METTL22: variants seen among roughly 807,000 people sequenced by gnomAD.
METTL22 encodes methyltransferase-like protein 22.
In METTL22, 51 loss-of-function variants were observed where a neutral mutation model predicts 48.4. That is an observed-to-expected ratio of 1.05 (90% CI 0.84 to 1.33). The LOEUF is 1.33. METTL22 is among the 40% of genes most tolerant of loss of function. The probability of loss-of-function intolerance (pLI) is 0.00; values close to 1 mark genes in which losing one functional copy is unlikely to be tolerated. For synonymous variants in METTL22, 255 were observed against 214.1 expected, an observed-to-expected ratio of 1.19 and a Z score of -1.67; for missense variants, 678 against 526.9, an observed-to-expected ratio of 1.29 and a Z score of -2.81.
At chr16:8,623,866 G>A (rs1319663900) in intron 1 of METTL22, 2 of 152,160 alleles carry the variant, frequency 1.3e-5, no homozygotes, top group Non-Finnish European at 2.9e-5. Flanking sequence ...AAGAAGTGGG[G>A]GCCCTGAAGA....
At chr16:8,626,136 A>G (rs2056042333) in intron 2 of METTL22, among the ~76,000 whole-genome samples, 1 of 152,132 alleles carries the variant, frequency 6.6e-6, no homozygotes, top group Non-Finnish European at 1.5e-5. Context: ...AGCTGAGACT[A>G]CAGGCTCACA....
chr16:8,663,225 A>AAAAAAAATT, the METTL22 span, among the ~76,000 whole-genome samples: 1 of 123,468 alleles, frequency 8.1e-6, no homozygotes, highest in African/African-American at 3.1e-5. Context: ...AAAAAAAAAA[A>AAAAAAAATT]GGTAGCCAAG....
chr16:8,659,159 C>T, the METTL22 span, among the ~76,000 whole-genome samples: 3 of 152,070 alleles, frequency 2.0e-5, no homozygotes, highest in Admixed American at 1.3e-4. Context: ...GGTGAAACCC[C>T]ATCTGTACTA....
At chr16:8,651,813 A>G (rs796847354), downstream of METTL22, among the ~76,000 whole-genome samples, 4 of 152,254 alleles carry the variant, frequency 2.6e-5, no homozygotes, top group African/African-American at 9.6e-5. Context: ...GAGTTGAACA[A>G]TGAGAACACA....
chr16:8,664,114 G>C, the METTL22 span, among the ~76,000 whole-genome samples: 1 of 148,916 alleles, frequency 6.7e-6, no homozygotes, highest in Non-Finnish European at 1.5e-5. Context: ...TTTAGATGGA[G>C]TCTCGCTCTG....
intron 5 of METTL22, 32 bp downstream of exon 5, chr16:8,635,344 G>T (rs2056392144): frequency 6.6e-7 from 1 of 1,511,528 alleles, no homozygotes; most frequent in Non-Finnish European, 8.8e-7. Flanking sequence ...CTGCAGGGAA[G>T]TAGTCACCTT....
In METTL22 at chr16:8,628,883, A is replaced by G; in HGVS notation, c.287A>G (p.Glu96Gly). ...CCTCCAGGAAGTGGCCATGGTAATG[A>G]GGGTTTCTCCCTCCAGGCCGGGACT... Reference protein sequence around the residue: ...GSPPGSGHGNEGFSLQAGTDT... With the variant: ...GSPPGSGHGNGGFSLQAGTDT... Residue 96 changes from glutamate to glycine, a missense_variant, in exon 3 of 11, where the codon GAG becomes GGG. By Grantham distance (98) the Glu-to-Gly change is moderately conservative. Transcript: ENST00000381920. 1.9e-6 allele frequency: 3 copies of G among 1,613,776 alleles called. No homozygotes were observed. Among genetic ancestry groups the G allele is most frequent in the Non-Finnish European group, 1.7e-6 (2 of 1,179,948 alleles).
Position 8,644,663 on chromosome 16 carries a change from G to C in METTL22, c.1117G>C (p.Val373Leu). 6.2e-7 allele frequency: 1 copy of C among 1,606,634 alleles called. No homozygotes were observed. Among genetic ancestry groups the C allele is most frequent in the Non-Finnish European group, 8.5e-7 (1 of 1,176,766 alleles). The change falls in exon 10 of 11, where the codon GTG (valine) becomes CTG (leucine). Residue 373 changes from valine (V) to leucine (L), a missense_variant. Val to Leu is a conservative substitution (Grantham distance 32). Transcript: ENST00000381920. ...GCTCGCAGATGGCAAGCTGCGCTTC[G>C]TGGTGGAGCCCGTGGAGGCCTCCTT... ...EQLADGKLRF[V>L]VEPVEASFPQ...
chr16:8,629,880 C>G (rs997950987), intron 3 of METTL22, among the ~76,000 whole-genome samples: 2 of 152,104 alleles, frequency 1.3e-5, no homozygotes, highest in South Asian at 2.1e-4. Flanking sequence ...TCACTAGTAT[C>G]GAGTGGCCTA....
chr16:8,667,086 G>T, the METTL22 span: 26,101 of 151,790 alleles, frequency 0.17, 2,532 homozygotes, highest in Admixed American at 0.29. Flanking sequence ...CTGAGCCACC[G>T]CGCCCGGCTC....
At chr16:8,642,086 A>G (rs1428130232) in intron 7 of METTL22, 41 bp from the exon 8 acceptor site, 7 of 1,495,606 alleles carry the variant, frequency 4.7e-6, no homozygotes, top group Non-Finnish European at 6.5e-6. Flanking sequence ...TGGCCAGGAG[A>G]GAAGGCAATG....
At chr16:8,659,024 C>T in the METTL22 span, among the ~76,000 whole-genome samples, 6 of 152,140 alleles carry the variant, frequency 3.9e-5, no homozygotes, top group Non-Finnish European at 8.8e-5. Flanking sequence ...TGTCCACAGC[C>T]CATTTAAAAC....
chr16:8,660,831 GGGAGGA>G, the METTL22 span, among the ~76,000 whole-genome samples: 13 of 3,256 alleles, frequency 4.0e-3, no homozygotes, highest in African/African-American at 7.4e-3. Context: ...GAGGAGGAGG[GGGAGGA>G]GGGGGAGGAG....
the METTL22 span, among the ~76,000 whole-genome samples, chr16:8,655,734 A>T: frequency 4.6e-5 from 7 of 152,240 alleles, no homozygotes; most frequent in Non-Finnish European, 7.3e-5. Flanking sequence ...CAGCATTGTG[A>T]TGCAGAGATC....
chr16:8,665,584 G>C, the METTL22 span, among the ~76,000 whole-genome samples: 1 of 152,220 alleles, frequency 6.6e-6, no homozygotes, highest in Non-Finnish European at 1.5e-5. Flanking sequence ...TGGTTAACAA[G>C]TACCCAGCTT....
chr16:8,633,791 C>T lies in METTL22; in HGVS notation c.515-1248C>T, dbSNP rs2056339336. The stretch of plus-strand genomic sequence containing the variant: ...AAAGCATTTAGCCCAGTGCCTCATG[C>T]AGAGAAGGTGCTTTTTTTTCTATTA... On this transcript the variant is annotated intron_variant, in intron 3 of 10. Transcript: ENST00000381920. Among the ~76,000 whole-genome samples, 4 of 152,380 alleles carry T rather than the reference C, an allele frequency of 2.6e-5. No individual in the cohort carries two copies. In the South Asian group the frequency reaches 8.3e-4, roughly 32 times the overall value.
intron 5 of METTL22, among the ~76,000 whole-genome samples, chr16:8,635,771 G>A (rs1188550036): frequency 5.9e-5 from 9 of 152,110 alleles, no homozygotes; most frequent in African/African-American, 2.2e-4. Context: ...TCAACAATAT[G>A]CAACTTATGG....
At position 8,642,461 on chromosome 16, in the gene METTL22, A is replaced by G. The variant is rs2056651040; in HGVS notation, c.908-2A>G. On this transcript the variant is annotated splice_acceptor_variant, in intron 8 of 10. Transcript: ENST00000381920. LOFTEE classifies it high-confidence loss of function. ...TAATGCTGGCCTTTTTGCTTCCCAC[A>G]GTGTTTTACGACGACGACTTGACTG... The G allele has an allele frequency of 6.2e-7, 1 of 1,614,088 alleles. No individual in the cohort carries two copies. Among genetic ancestry groups the G allele is most frequent in the Non-Finnish European group, 8.5e-7 (1 of 1,179,954 alleles).
chr16:8,632,798 C>G (rs1461479707), intron 3 of METTL22, among the ~76,000 whole-genome samples: 1 of 152,182 alleles, frequency 6.6e-6, no homozygotes, highest in African/African-American at 2.4e-5. Context: ...TAGGAAATGA[C>G]AAAACTGGGT....
Sources: gnomAD v4.1 joint callset for allele counts (sites outside exome capture counted in the v4.1 genomes callset) on GRCh38, gnomAD v4.1.1 for gene constraint, MANE v1.5 for transcripts, NCBI Gene and HGNC (gene_info 2026-07-23, HGNC 2026-07-21) for gene names.